TRIO: variants seen among roughly 807,000 people sequenced by gnomAD.
The protein encoded by TRIO is trio Rho guanine nucleotide exchange factor.
TRIO carries 58 observed loss-of-function variants against 351.9 expected under a neutral mutation model. The observed-to-expected ratio is 0.16, with a 90% confidence interval of 0.13 to 0.21. TRIO has a LOEUF of 0.21. Among genes scored for constraint, TRIO ranks in the 10% least tolerant of loss-of-function variants. The pLI, the probability that TRIO is intolerant of heterozygous loss-of-function variation, is 1.00. For synonymous variants in TRIO, 1,758 were observed against 1,595.7 expected (o/e 1.10, Z -2.42); for missense variants, 3,201 against 4,027.8 (o/e 0.79, Z 5.56).
At chr5:14,367,469 A>G (rs1383802359) in intron 16 of TRIO, among the ~76,000 whole-genome samples, 1 of 152,234 alleles carries the variant, frequency 6.6e-6, no homozygotes, top group African/African-American at 2.4e-5. Flanking sequence ...TGCCGACAGC[A>G]AAACTCCTCA....
At chr5:14,149,687 ACTGGCTCTTTTC>A in intron 1 of TRIO, among the ~76,000 whole-genome samples, 1 of 152,216 alleles carries the variant, frequency 6.6e-6, no homozygotes. Context: ...GTTTTAGATT[ACTGGCTCTTTTC>A]ATTAGCCACA....
At chr5:14,410,823 G>T (rs1749137556) in intron 33 of TRIO, among the ~76,000 whole-genome samples, 1 of 152,220 alleles carries the variant, frequency 6.6e-6, no homozygotes, top group South Asian at 2.1e-4. Flanking sequence ...TGTCAGCAGA[G>T]CGGGGTTAGC....
At chr5:14,300,174 C>G (rs1737754843) in intron 7 of TRIO, among the ~76,000 whole-genome samples, 1 of 152,166 alleles carries the variant, frequency 6.6e-6, no homozygotes. Flanking sequence ...TGTGGTATAT[C>G]CACAGGACAG....
intron 3 of TRIO, among the ~76,000 whole-genome samples, chr5:14,282,652 C>A (rs1204350321): frequency 6.6e-6 from 1 of 152,130 alleles, no homozygotes; most frequent in South Asian, 2.1e-4. Context: ...TACCCTTCAC[C>A]CAGCTTCAGC....
intron 10 of TRIO, among the ~76,000 whole-genome samples, chr5:14,331,525 G>A (rs1740903755): frequency 6.6e-6 from 1 of 152,166 alleles, no homozygotes; most frequent in Non-Finnish European, 1.5e-5. Flanking sequence ...TGTTATGGTT[G>A]AATTCATTTA....
At position 14,488,178 on chromosome 5, in the gene TRIO, C is replaced by T. The variant is rs755179110; in HGVS notation, c.7550C>T (p.Ala2517Val). The change falls in exon 48 of 57, where the codon GCG (alanine) becomes GTG (valine). Residue 2517 changes from alanine to valine, a missense_variant. Ala to Val is a moderately conservative substitution (Grantham distance 64). This residue lies in a region of TRIO where 1,089 missense variants were observed against 954.9 expected (regional missense o/e 1.14). Transcript: ENST00000344204. Reference sequence around the variant, plus strand: ...CTCCAGCGGCAGACACCCCGCCACGCGGCCCCTGGCAAGGATACTGACCGC... The same window carrying T: ...CTCCAGCGGCAGACACCCCGCCACGTGGCCCCTGGCAAGGATACTGACCGC... Reference protein sequence around the residue: ...DSLQRQTPRHAAPGKDTDRMS... With the variant: ...DSLQRQTPRHVAPGKDTDRMS... 21 of 1,601,322 alleles carry T rather than the reference C, an allele frequency of 1.3e-5. No homozygotes were observed. The highest frequency in any genetic ancestry group is 4.4e-5 in the South Asian group (4 of 90,562).
At chr5:14,220,617 G>C (rs1380166075) in intron 1 of TRIO, among the ~76,000 whole-genome samples, 1 of 152,150 alleles carries the variant, frequency 6.6e-6, no homozygotes, top group Non-Finnish European at 1.5e-5. Flanking sequence ...ACACACAAAT[G>C]ATAAGAAATC....
intron 1 of TRIO, among the ~76,000 whole-genome samples, chr5:14,204,728 A>G (rs764252517): frequency 1.3e-5 from 2 of 152,214 alleles, no homozygotes; most frequent in Non-Finnish European, 2.9e-5. Flanking sequence ...ACAGTGTAAC[A>G]TGGAGAGTTA....
rs74988993 is a variant in TRIO at position 14,486,471 on chromosome 5, G to A, written c.6836-993G>A. Among the ~76,000 whole-genome samples the A allele has an allele frequency of 1.6e-3, 239 of 152,322 alleles. No individual in the cohort carries two copies. In the Middle Eastern group the frequency reaches 0.031, roughly 20 times the overall value. On this transcript the variant is annotated intron_variant, in intron 47 of 56. Coordinates refer to ENST00000344204, the MANE Select transcript of TRIO (RefSeq NM_007118.4). Reference sequence around the variant, plus strand: ...ATAATCATTTACATCTGCAGCTAGGGGTGGGCGCTTGAGGATAGGGAGGCA... The same window carrying A: ...ATAATCATTTACATCTGCAGCTAGGAGTGGGCGCTTGAGGATAGGGAGGCA...
intron 1 of TRIO, among the ~76,000 whole-genome samples, chr5:14,202,953 T>C (rs1413595024): frequency 6.6e-6 from 1 of 152,092 alleles, no homozygotes. Context: ...TATTTATGCT[T>C]TTATTTATAA....
At chr5:14,404,953 T>G (rs1321552419) in intron 31 of TRIO, among the ~76,000 whole-genome samples, 1 of 152,170 alleles carries the variant, frequency 6.6e-6, no homozygotes, top group Non-Finnish European at 1.5e-5. Flanking sequence ...CGATGAGTTA[T>G]GACGGGTTAA....
chr5:14,390,612 A>G (rs765256275), intron 26 of TRIO: 11 of 531,166 alleles, frequency 2.1e-5, no homozygotes, highest in Non-Finnish European at 3.3e-5. Flanking sequence ...GGAGGCAGAC[A>G]GGTGAACGTG....
chr5:14,455,407 A>G (rs1216577743), intron 34 of TRIO, among the ~76,000 whole-genome samples: 3 of 151,948 alleles, frequency 2.0e-5, no homozygotes, highest in Admixed American at 6.6e-5. Context: ...CCAAGTCCCC[A>G]CTAGATTAAC....
intron 30 of TRIO, among the ~76,000 whole-genome samples, chr5:14,400,335 A>G (rs1579541445): frequency 1.3e-5 from 2 of 152,102 alleles, no homozygotes; most frequent in East Asian, 3.9e-4. Context: ...GGAGCTCTGG[A>G]TGATGAATCA....
intron 1 of TRIO, among the ~76,000 whole-genome samples, chr5:14,206,723 A>G (rs1001686467): frequency 3.9e-5 from 6 of 152,216 alleles, no homozygotes; most frequent in Admixed American, 6.5e-5. Flanking sequence ...AGATTGGTGT[A>G]TAGTATTTTA....
chr5:14,315,550 C>T (rs1016333983), intron 8 of TRIO, among the ~76,000 whole-genome samples: 1 of 151,590 alleles, frequency 6.6e-6, no homozygotes, highest in Non-Finnish European at 1.5e-5. Context: ...CACACCCGGC[C>T]TGCTTACTAG....
chr5:14,452,525 G>T (rs578036850), intron 34 of TRIO, among the ~76,000 whole-genome samples: 4 of 152,316 alleles, frequency 2.6e-5, no homozygotes, highest in Non-Finnish European at 5.9e-5. Flanking sequence ...GGCCTTGAGT[G>T]TCCACTCATC....
At chr5:14,173,578 A>T (rs937778269) in intron 1 of TRIO, among the ~76,000 whole-genome samples, 1 of 151,856 alleles carries the variant, frequency 6.6e-6, no homozygotes, top group African/African-American at 2.4e-5. Flanking sequence ...TACAGAAGCA[A>T]TAAGCCCACT....
chr5:14,408,169 G>A (rs966133829), intron 33 of TRIO, among the ~76,000 whole-genome samples: 6 of 152,184 alleles, frequency 3.9e-5, no homozygotes, highest in African/African-American at 7.2e-5. Context: ...GGTTATTTCC[G>A]TGGCACATCT....
Sources: allele counts gnomAD v4.1 joint callset (sites outside exome capture counted in the v4.1 genomes callset), GRCh38; gene constraint gnomAD v4.1.1; regional missense constraint gnomAD v4.1.1; transcripts MANE v1.5; gene names NCBI Gene and HGNC (gene_info 2026-07-23, HGNC 2026-07-21).